The following FAM114A2 variants were observed in gnomAD, a reference collection of about 807,000 sequenced individuals.
FAM114A2 encodes the protein family with sequence similarity 114 member A2, also known as protein FAM114A2.
A neutral mutation model predicts 58.4 loss-of-function variants in FAM114A2; 53 were observed. That is an observed-to-expected ratio of 0.91 (90% confidence interval 0.73 to 1.14). The LOEUF is 1.14. FAM114A2 is among the 50% of genes most tolerant of loss of function. The pLI is 0.00. For missense variants in FAM114A2, 601 were observed against 581.1 expected (o/e 1.03, Z -0.35); for synonymous variants, 228 against 211.4 (o/e 1.08, Z -0.68).
At chr5:154,026,225 C>T in intron 8 of FAM114A2, 174 bp downstream of exon 8, 1 of 397,844 alleles carries the variant, frequency 2.5e-6, no homozygotes, top group Non-Finnish European at 4.3e-6. Flanking sequence ...CCCATCAATG[C>T]CTAGTCAGGT....
intron 8 of FAM114A2, among the ~76,000 whole-genome samples, chr5:154,020,308 C>G (rs1331475309): frequency 2.1e-5 from 3 of 143,174 alleles, no homozygotes; most frequent in African/African-American, 7.7e-5. Context: ...CAGAGCAGAA[C>G]TGAAGGAGAT....
chr5:154,002,126 C>T (rs1770013219), intron 11 of FAM114A2, 125 bp downstream of exon 11: 3 of 772,638 alleles, frequency 3.9e-6, no homozygotes, highest in Non-Finnish European at 6.3e-6. Context: ...AATGAACAAA[C>T]CATCTAATAT....
chr5:153,993,147 A>C, intron 13 of FAM114A2, 37 bp from the exon 14 acceptor site: 1 of 1,572,368 alleles, frequency 6.4e-7, no homozygotes, highest in Non-Finnish European at 8.7e-7. Flanking sequence ...AGAAAATATT[A>C]GTTATTTAAA....
intron 4 of FAM114A2, among the ~76,000 whole-genome samples, chr5:154,032,830 A>T (rs544408311): frequency 6.6e-6 from 1 of 152,222 alleles, no homozygotes; most frequent in Non-Finnish European, 1.5e-5. Flanking sequence ...GACATCATTG[A>T]GCCACTAAAC....
intron 1 of FAM114A2, among the ~76,000 whole-genome samples, chr5:154,037,854 A>C (rs2113536097): frequency 6.6e-6 from 1 of 152,262 alleles, no homozygotes; most frequent in East Asian, 1.9e-4. Flanking sequence ...TGCCCTGCCA[A>C]AACAGTCCCT....
intron 8 of FAM114A2, among the ~76,000 whole-genome samples, chr5:154,023,558 G>A (rs1021416734): frequency 2.0e-5 from 3 of 152,142 alleles, no homozygotes; most frequent in Non-Finnish European, 4.4e-5. Flanking sequence ...TCATTCACAA[G>A]TAGGAGCTAA....
chr5:154,031,433 T>C (rs1054411324), intron 4 of FAM114A2, among the ~76,000 whole-genome samples: 5 of 150,228 alleles, frequency 3.3e-5, no homozygotes, highest in Non-Finnish European at 7.4e-5. Context: ...CCCTAATAGA[T>C]GATCAATGAT....
chr5:153,993,590 C>A (rs1581752484), intron 13 of FAM114A2, among the ~76,000 whole-genome samples: 1 of 152,184 alleles, frequency 6.6e-6, no homozygotes, highest in African/African-American at 2.4e-5. Flanking sequence ...CACACATATA[C>A]TGCTTTCAAA....
chr5:154,021,305 G>A, intron 8 of FAM114A2, among the ~76,000 whole-genome samples: 1 of 151,982 alleles, frequency 6.6e-6, no homozygotes, highest in East Asian at 2.0e-4. Flanking sequence ...AGGGCACTCA[G>A]GCAAGAGAAA....
intron 3 of FAM114A2, among the ~76,000 whole-genome samples, 178 bp downstream of exon 3, chr5:154,034,100 G>GA (rs2113508062): frequency 6.6e-6 from 1 of 152,190 alleles, no homozygotes; most frequent in East Asian, 1.9e-4. Context: ...TTCTAATGAG[G>GA]AAATGCTACA....
chr5:154,026,094 T>C (rs2560048), intron 8 of FAM114A2, among the ~76,000 whole-genome samples: 99,126 of 151,974 alleles, frequency 0.65, 32,694 homozygotes, highest in East Asian at 0.88. Flanking sequence ...AAGAATCTGA[T>C]GAGAACAGCT....
intron 8 of FAM114A2, among the ~76,000 whole-genome samples, chr5:154,019,403 CACATCCCATGCTCATGGATGGTAGAATCA>C (rs1771252914): frequency 6.6e-6 from 1 of 152,008 alleles, no homozygotes; most frequent in Non-Finnish European, 1.5e-5. Flanking sequence ...CAAATGAAAA[CACATCCCATGCTCATGGATGGTAGAATCA>C]ACATTTTGAA....
At chr5:154,018,203 C>T (rs1771172388) in intron 8 of FAM114A2, among the ~76,000 whole-genome samples, 1 of 152,114 alleles carries the variant, frequency 6.6e-6, no homozygotes, top group South Asian at 2.1e-4. Flanking sequence ...TCCAAATAAT[C>T]TCAATTAGAA....
intron 8 of FAM114A2, among the ~76,000 whole-genome samples, chr5:154,025,045 G>T (rs746532998): frequency 6.6e-6 from 1 of 152,032 alleles, no homozygotes; most frequent in South Asian, 2.1e-4. Context: ...AGGAAAATGT[G>T]TACCAATTAT....
intron 5 of FAM114A2, among the ~76,000 whole-genome samples, chr5:154,029,083 T>A (rs971265248): frequency 1.3e-5 from 2 of 152,228 alleles, no homozygotes; most frequent in Non-Finnish European, 2.9e-5. Context: ...CTTACAAATG[T>A]TTTTAATCAT....
chr5:154,011,244 G>T lies in FAM114A2; in HGVS notation c.990C>A (p.Ala330=). The T allele has an allele frequency of 6.2e-7, 1 of 1,603,374 alleles. No homozygotes were observed. The highest frequency in any genetic ancestry group is 8.5e-7 in the Non-Finnish European group (1 of 1,171,928). ...TCACCAAGAAGCAATAACTTACCCT[G>T]GCAAGTTTCTCTGGTTTGGAGGAAA... is the stretch of plus-strand genomic sequence containing the variant. The part of the protein sequence containing the change: ...LHVSSKPEKL[A]RARNTAHEWI... Residue 330 remains alanine (A), a synonymous_variant, in exon 9 of 14, where the codon GCC becomes GCA. Coordinates refer to ENST00000351797, the MANE Select transcript of FAM114A2 (RefSeq NM_018691.4).
chr5:154,030,976 G>T (rs540461941), intron 4 of FAM114A2, among the ~76,000 whole-genome samples: 4 of 152,198 alleles, frequency 2.6e-5, no homozygotes, highest in South Asian at 4.1e-4. Flanking sequence ...ACAGTACTTA[G>T]TTAGAGTAAA....
At chr5:154,016,863 C>T (rs1335453552) in intron 8 of FAM114A2, among the ~76,000 whole-genome samples, 1 of 152,122 alleles carries the variant, frequency 6.6e-6, no homozygotes, top group East Asian at 1.9e-4. Context: ...ACTCACCAAC[C>T]ATCTGCTGCC....
At position 154,034,822 on chromosome 5, in the gene FAM114A2, T is replaced by C. The variant is rs538453867; in HGVS notation, c.132A>G (p.Glu44=). ...GTCTTTTCCGAGTGGAAACTACAGG[T>C]TCTGATTTACTCTCTGGTTTGGCAC... ...DQGAKPESKS[E]PVVSTRKRPE... is the part of the protein sequence containing the mutation. Residue 44 remains glutamate (E), a synonymous_variant, in exon 2 of 14, where the codon GAA becomes GAG. Coordinates refer to ENST00000351797, the MANE Select transcript of FAM114A2 (RefSeq NM_018691.4). 64 of 1,614,038 alleles carry C rather than the reference T, an allele frequency of 4.0e-5. No individual in the cohort carries two copies. The highest frequency in any genetic ancestry group is 5.2e-5 in the Non-Finnish European group (61 of 1,179,914).
Sources: gnomAD v4.1 joint callset for allele counts (sites outside exome capture counted in the v4.1 genomes callset) on GRCh38, gnomAD v4.1.1 for gene constraint, MANE v1.5 for transcripts, NCBI Gene and HGNC (gene_info 2026-07-23, HGNC 2026-07-21) for gene names.